Variants in CAMSAP2 observed in about 807,000 individuals in gnomAD.
The protein encoded by CAMSAP2 is calmodulin-regulated spectrin-associated protein 2.
CAMSAP2 carries 26 observed loss-of-function variants against 146.1 expected under a neutral mutation model. The ratio of observed to expected loss-of-function variants is 0.18; its 90% confidence interval spans 0.13 to 0.25. The LOEUF (loss-of-function observed/expected upper bound fraction) is 0.25. CAMSAP2 is among the 10% of genes least tolerant of loss of function. The pLI, the probability that CAMSAP2 is intolerant of heterozygous loss-of-function variation, is 1.00. For missense variants in CAMSAP2, 1,381 were observed against 1,759.3 expected (o/e 0.78, Z 3.85); for synonymous variants, 499 against 596.6 (o/e 0.84, Z 2.38).
At position 200,857,232 on chromosome 1, in the gene CAMSAP2, A is replaced by G; in HGVS notation, c.4013-74A>G. ...ATATTTCAGCAGTGTAGGAACAATTACATCATTTTAAAATAGTAGTATTTC... is the reference window on the plus strand; with the variant it reads ...ATATTTCAGCAGTGTAGGAACAATTGCATCATTTTAAAATAGTAGTATTTC... On this transcript the variant is annotated intron_variant, in intron 15 of 16. Coordinates refer to ENST00000358823, the MANE Select transcript of CAMSAP2 (RefSeq NM_203459.4). The surrounding 1 kb of genome is among the most constrained non-coding windows in gnomAD (Gnocchi z 4.7). 3 of 1,029,414 alleles carry G rather than the reference A, an allele frequency of 2.9e-6. No homozygotes were observed. The highest frequency in any genetic ancestry group is 4.0e-5 in the Admixed American group (2 of 49,648). The allele number at this position is 1,029,414 out of a possible 1,614,324, so 63.8% of individuals were successfully genotyped here.
chr1:200,833,033 C>T lies in CAMSAP2; in HGVS notation c.927+188C>T, dbSNP rs147031929. The stretch of plus-strand genomic sequence containing the variant: ...CGATGATCGTGCCACTGCACTCCAG[C>T]CTGGGCAACAGAGCAAGACCCTGTC... On this transcript the variant is annotated intron_variant, in intron 6 of 16. Coordinates refer to ENST00000358823, the MANE Select transcript of CAMSAP2 (RefSeq NM_203459.4). Among the ~76,000 whole-genome samples, 275 of 151,906 alleles carry T rather than the reference C, an allele frequency of 1.8e-3. 2 individuals are homozygous for T. Among genetic ancestry groups the T allele is most frequent in the African/African-American group, 6.4e-3 (265 of 41,422 alleles).
At chr1:200,804,195 G>A (rs1438440757) in intron 2 of CAMSAP2, among the ~76,000 whole-genome samples, 1 of 151,850 alleles carries the variant, frequency 6.6e-6, no homozygotes. Context: ...CAAAGTGCTG[G>A]GATTACAAGC....
chr1:200,783,384 T>G (rs1305668136), intron 2 of CAMSAP2, among the ~76,000 whole-genome samples: 1 of 152,210 alleles, frequency 6.6e-6, no homozygotes, highest in African/African-American at 2.4e-5. Context: ...TTGGGGTTTT[T>G]ATTTTCTTAT....
rs1476379736 is a variant in CAMSAP2 at position 200,853,076 on chromosome 1, C to T, written c.3603-199C>T. On this transcript the variant is annotated intron_variant, in intron 12 of 16. Coordinates refer to ENST00000358823, the MANE Select transcript of CAMSAP2 (RefSeq NM_203459.4). This position sits in a 1 kb window ranked among gnomAD's most constrained non-coding sequence, Gnocchi z 5.1. ...CCTTTATTTTTATTTATTTATTTGA[C>T]TCTTCCTTCCCTCCTTTATTTACTT... Among the ~76,000 whole-genome samples, 1 of 151,918 alleles carries T rather than the reference C, an allele frequency of 6.6e-6. No individual in the cohort carries two copies. The highest frequency in any genetic ancestry group is 1.5e-5 in the Non-Finnish European group (1 of 67,976).
intron 1 of CAMSAP2, among the ~76,000 whole-genome samples, chr1:200,760,117 C>T (rs77867778): frequency 6.6e-5 from 10 of 152,130 alleles, no homozygotes; most frequent in Non-Finnish European, 1.5e-4. Flanking sequence ...TCCCATCTCC[C>T]ATTTCTAAAC....
intron 4 of CAMSAP2, among the ~76,000 whole-genome samples, chr1:200,818,081 T>C (rs902630848): frequency 7.2e-5 from 11 of 152,304 alleles, no homozygotes; most frequent in Non-Finnish European, 1.2e-4. Context: ...CTCCTGGCTT[T>C]TTATCAGTAA....
At chr1:200,821,642 T>TA in intron 4 of CAMSAP2, among the ~76,000 whole-genome samples, 1 of 152,248 alleles carries the variant, frequency 6.6e-6, no homozygotes, top group Non-Finnish European at 1.5e-5. Context: ...ATTACAGGCG[T>TA]AAGCCACCAC....
At chr1:200,789,151 T>C (rs1665678380) in intron 2 of CAMSAP2, among the ~76,000 whole-genome samples, 1 of 152,176 alleles carries the variant, frequency 6.6e-6, no homozygotes, top group Admixed American at 6.5e-5. Flanking sequence ...TTCATTCTCT[T>C]GACACCCTTC....
At chr1:200,824,370 A>G (rs2102198744) in intron 4 of CAMSAP2, among the ~76,000 whole-genome samples, 1 of 152,266 alleles carries the variant, frequency 6.6e-6, no homozygotes, top group South Asian at 2.1e-4. Flanking sequence ...TATGGAAAAC[A>G]GTATTTAGCA....
intron 1 of CAMSAP2, among the ~76,000 whole-genome samples, chr1:200,754,574 C>CTTTTT (rs35219206): frequency 9.2e-5 from 8 of 86,578 alleles, no homozygotes; most frequent in Admixed American, 1.3e-4. Flanking sequence ...GAAAGAGCTC[C>CTTTTT]TTTTTTTTTT....
chr1:200,786,077 C>T (rs1395011412), intron 2 of CAMSAP2, among the ~76,000 whole-genome samples: 2 of 152,044 alleles, frequency 1.3e-5, no homozygotes, highest in Non-Finnish European at 2.9e-5. Context: ...TATAATACTC[C>T]CTTATTATCT....
chr1:200,802,512 G>A (rs1047735826), intron 2 of CAMSAP2, among the ~76,000 whole-genome samples: 1 of 152,156 alleles, frequency 6.6e-6, no homozygotes, highest in Admixed American at 6.5e-5. Context: ...AAAAACTATA[G>A]AGTTTAATAT....
At chr1:200,838,312 A>G (rs1667233049) in intron 6 of CAMSAP2, among the ~76,000 whole-genome samples, 1 of 152,208 alleles carries the variant, frequency 6.6e-6, no homozygotes, top group Non-Finnish European at 1.5e-5. Flanking sequence ...TAACTAGGCT[A>G]GTAAAATGGA....
Position 200,857,233 on chromosome 1 carries a change from C to A in CAMSAP2, c.4013-73C>A. On this transcript the variant is annotated intron_variant, in intron 15 of 16. Coordinates refer to ENST00000358823, the MANE Select transcript of CAMSAP2 (RefSeq NM_203459.4). This position sits in a 1 kb window ranked among gnomAD's most constrained non-coding sequence, Gnocchi z 4.7. ...TATTTCAGCAGTGTAGGAACAATTA[C>A]ATCATTTTAAAATAGTAGTATTTCT... 9.6e-7 allele frequency: 1 copy of A among 1,044,768 alleles called. No homozygotes were observed. Among genetic ancestry groups the A allele is most frequent in the Non-Finnish European group, 1.5e-6 (1 of 682,232 alleles). The allele number at this position is 1,044,768 out of a possible 1,614,324, so 64.7% of individuals were successfully genotyped here.
chr1:200,808,685 C>T (rs1043347229), intron 3 of CAMSAP2, among the ~76,000 whole-genome samples: 5 of 152,206 alleles, frequency 3.3e-5, no homozygotes, highest in African/African-American at 1.2e-4. Flanking sequence ...ATGCAACCTT[C>T]ACATCCCATT....
At chr1:200,800,340 G>A (rs985541174) in intron 2 of CAMSAP2, among the ~76,000 whole-genome samples, 4 of 152,190 alleles carry the variant, frequency 2.6e-5, no homozygotes, top group Middle Eastern at 3.4e-3. Flanking sequence ...TTATGAATCT[G>A]GGTGCTCCTG....
At chr1:200,852,244 T>C (rs1180739355) in intron 11 of CAMSAP2, among the ~76,000 whole-genome samples, 2 of 152,210 alleles carry the variant, frequency 1.3e-5, no homozygotes. Flanking sequence ...GTTATTAAAT[T>C]AGGGTTAAAA....
At chr1:200,766,489 A>G (rs1273085615) in intron 2 of CAMSAP2, among the ~76,000 whole-genome samples, 1 of 152,118 alleles carries the variant, frequency 6.6e-6, no homozygotes, top group Non-Finnish European at 1.5e-5. Context: ...TTAACACTCT[A>G]TCTTACGTAA....
chr1:200,766,550 A>C (rs958638088), intron 2 of CAMSAP2, among the ~76,000 whole-genome samples: 2 of 152,214 alleles, frequency 1.3e-5, no homozygotes, highest in Non-Finnish European at 2.9e-5. Context: ...TTTTCTATTG[A>C]TGAAGAAACT....
Sources: gnomAD v4.1 joint callset for allele counts (sites outside exome capture counted in the v4.1 genomes callset) on GRCh38, gnomAD v4.1.1 for gene constraint, Gnocchi (gnomAD v3.1) non-coding constraint, MANE v1.5 for transcripts, NCBI Gene and HGNC (gene_info 2026-07-23, HGNC 2026-07-21) for gene names.